Variants in ZMIZ1 observed in about 807,000 individuals in gnomAD.
ZMIZ1 encodes zinc finger MIZ-type containing 1.
In ZMIZ1, 17 loss-of-function variants were observed where a neutral mutation model predicts 113.9. That is an observed-to-expected ratio of 0.15 (90% CI 0.10 to 0.22). The LOEUF is 0.22. Among genes scored for constraint, ZMIZ1 ranks in the 10% least tolerant of loss-of-function variants. ZMIZ1 has a pLI of 1.00. For synonymous variants in ZMIZ1, 607 were observed against 603.1 expected (o/e 1.01, Z -0.09); for missense variants, 1,059 against 1,477.8 (o/e 0.72, Z 4.65).
chr10:79,208,662 C>A lies in ZMIZ1; in HGVS notation c.174+213C>A, dbSNP rs150898677. Among the ~76,000 whole-genome samples the A allele has an allele frequency of 3.8e-3, 572 of 152,304 alleles. 6 individuals carry two copies. Among genetic ancestry groups the A allele is most frequent in the South Asian group, 0.02 (99 of 4,830 alleles). ...CTGGAGTTGATGAGGAGGCACAGTC[C>A]CTAGGGATTGTGTGGGTTCCCACAC... On this transcript the variant is annotated intron_variant, in intron 6 of 24. Coordinates refer to ENST00000334512, the MANE Select transcript of ZMIZ1 (RefSeq NM_020338.4).
Position 79,305,182 on chromosome 10 carries a change from T to C in ZMIZ1, c.2305T>C (p.Tyr769His). The change falls in exon 20 of 25, where the codon TAC becomes CAC. Residue 769 changes from tyrosine to histidine, a missense_variant. Tyr to His is a moderately conservative substitution (Grantham distance 83, BLOSUM62 2). This residue lies in a region of ZMIZ1 where 217 missense variants were observed against 426.9 expected (regional missense o/e 0.51). Transcript: ENST00000334512. ...TCTGCAGTGCTTTGATCTGGAGTCATACCTGCAGCTGAATTGCGAGAGAGG... is the reference window on the plus strand; with the variant it reads ...TCTGCAGTGCTTTGATCTGGAGTCACACCTGCAGCTGAATTGCGAGAGAGG... ...KHVQCFDLES[Y>H]LQLNCERGTW... 48 of 1,614,164 alleles carry C rather than the reference T, an allele frequency of 3.0e-5. No homozygotes were observed. Among genetic ancestry groups the C allele is most frequent in the Non-Finnish European group, 4.1e-5 (48 of 1,180,016 alleles).
chr10:79,176,448 C>A (rs1846873406), intron 4 of ZMIZ1, among the ~76,000 whole-genome samples: 1 of 152,070 alleles, frequency 6.6e-6, no homozygotes, highest in Admixed American at 6.5e-5. Flanking sequence ...CCTGACAGTC[C>A]AACCCAGTCA....
intron 17 of ZMIZ1, 78 bp downstream of exon 17, chr10:79,301,020 C>T: frequency 3.9e-6 from 6 of 1,552,820 alleles, no homozygotes; most frequent in South Asian, 2.3e-5. Context: ...ATACCCTGCC[C>T]CACTCTGGTC....
chr10:79,097,679 A>T lies in ZMIZ1; in HGVS notation c.-336-21236A>T, dbSNP rs556908703. Among the ~76,000 whole-genome samples, 6 of 152,324 alleles carry T rather than the reference A, an allele frequency of 3.9e-5. No homozygotes were observed. In the South Asian group the frequency reaches 1.2e-3, roughly 32 times the overall value. ...GCTGGCAAGCTCTGATAGAAATTGG[A>T]GGCAAGCAGAGAATGAGATTTGGGG... On this transcript the variant is annotated intron_variant, in intron 1 of 24. Coordinates refer to ENST00000334512, the MANE Select transcript of ZMIZ1 (RefSeq NM_020338.4).
At chr10:79,261,835 TAGGTTTGCATGCAGGCAA>T (rs1156366699) in intron 7 of ZMIZ1, among the ~76,000 whole-genome samples, 8 of 152,200 alleles carry the variant, frequency 5.3e-5, no homozygotes, top group Admixed American at 1.3e-4. Flanking sequence ...CGAGGTGAGA[TAGGTTTGCATGCAGGCAA>T]AGAAACCAAG....
intron 1 of ZMIZ1, among the ~76,000 whole-genome samples, chr10:79,106,516 C>T (rs532306145): frequency 9.2e-5 from 14 of 152,312 alleles, no homozygotes; most frequent in African/African-American, 2.6e-4. Context: ...TAGATCCTGC[C>T]CCCATTGCAT....
intron 7 of ZMIZ1, among the ~76,000 whole-genome samples, chr10:79,225,194 C>T (rs1199543488): frequency 6.6e-6 from 1 of 152,226 alleles, no homozygotes; most frequent in East Asian, 1.9e-4. Context: ...GCTTTCCAGA[C>T]TCAGTCACTG....
rs2132048623 is a variant in ZMIZ1 at position 79,296,433 on chromosome 10, T to C, written c.1231-38T>C. 1.9e-6 allele frequency: 3 copies of C among 1,610,274 alleles called. No individual in the cohort carries two copies. Among genetic ancestry groups the C allele is most frequent in the East Asian group, 4.5e-5 (2 of 44,748 alleles). On this transcript the variant is annotated intron_variant, in intron 12 of 24. Coordinates refer to ENST00000334512, the MANE Select transcript of ZMIZ1 (RefSeq NM_020338.4). The surrounding 1 kb of genome is among the most constrained non-coding windows in gnomAD (Gnocchi z 4.1). Reference sequence around the variant, plus strand: ...ACCTGGCTATGTGACGTTGGCAACATTGAACGTGTTTCCCCTCTCCTTTCT... The same window carrying C: ...ACCTGGCTATGTGACGTTGGCAACACTGAACGTGTTTCCCCTCTCCTTTCT...
At chr10:79,185,156 T>C (rs1847301072) in intron 4 of ZMIZ1, among the ~76,000 whole-genome samples, 1 of 152,188 alleles carries the variant, frequency 6.6e-6, no homozygotes, top group African/African-American at 2.4e-5. Flanking sequence ...CATCAGAACT[T>C]TGGAGGCTGG....
intron 3 of ZMIZ1, among the ~76,000 whole-genome samples, chr10:79,146,524 A>G (rs1306573464): frequency 2.6e-5 from 4 of 152,162 alleles, no homozygotes; most frequent in African/African-American, 9.7e-5. Context: ...CAGCTCTGCC[A>G]TTTATCACAG....
At chr10:79,236,488 C>T (rs1164121456) in intron 7 of ZMIZ1, among the ~76,000 whole-genome samples, 2 of 152,338 alleles carry the variant, frequency 1.3e-5, no homozygotes, top group East Asian at 1.9e-4. Context: ...TGCTGAGGCA[C>T]GGACATTCGA....
intron 18 of ZMIZ1, among the ~76,000 whole-genome samples, chr10:79,302,973 T>C (rs1854429371): frequency 6.6e-6 from 1 of 151,314 alleles, no homozygotes; most frequent in Non-Finnish European, 1.5e-5. Flanking sequence ...GCCATTCTCC[T>C]GCCTCAGCCT....
In ZMIZ1 at chr10:79,302,057, G is replaced by A. The variant is rs369904812; in HGVS notation, c.2020-50G>A. ...GGGCTGCTGAGGCTGCAGGCAGGGCGGGGTGTGGGGACAGTGCACAGGAAC... is the reference window on the plus strand; with the variant it reads ...GGGCTGCTGAGGCTGCAGGCAGGGCAGGGTGTGGGGACAGTGCACAGGAAC... On this transcript the variant is annotated intron_variant, in intron 17 of 24. Transcript: ENST00000334512. 93 of 1,585,684 alleles carry A rather than the reference G, an allele frequency of 5.9e-5. 1 individual carries two copies. Among genetic ancestry groups the A allele is most frequent in the Admixed American group, 4.5e-4 (27 of 59,870 alleles).
At chr10:79,229,960 C>T in intron 7 of ZMIZ1, among the ~76,000 whole-genome samples, 1 of 152,176 alleles carries the variant, frequency 6.6e-6, no homozygotes, top group Non-Finnish European at 1.5e-5. Flanking sequence ...GTGCTTCTTT[C>T]CCAGGTGAGG....
chr10:79,311,452 G>A (rs1471603052), intron 24 of ZMIZ1, among the ~76,000 whole-genome samples: 1 of 152,114 alleles, frequency 6.6e-6, no homozygotes, highest in Non-Finnish European at 1.5e-5. Context: ...TCTGACCCAA[G>A]CCCTGCGGGG....
intron 1 of ZMIZ1, among the ~76,000 whole-genome samples, chr10:79,081,554 C>T (rs1328784166): frequency 3.3e-5 from 5 of 152,186 alleles, no homozygotes; most frequent in East Asian, 3.9e-4. Flanking sequence ...GCAGCATGCT[C>T]GCCTGCCACT....
chr10:79,232,151 A>T (rs1849419137), intron 7 of ZMIZ1, among the ~76,000 whole-genome samples: 1 of 152,204 alleles, frequency 6.6e-6, no homozygotes, highest in South Asian at 2.1e-4. Flanking sequence ...AACGGGGCTA[A>T]CTGTAACCCT....
chr10:79,198,802 G>A (rs773737301), intron 4 of ZMIZ1, among the ~76,000 whole-genome samples: 3 of 152,230 alleles, frequency 2.0e-5, no homozygotes, highest in African/African-American at 4.8e-5. Flanking sequence ...GGGGGGCCGA[G>A]GTGGGCAGAT....
intron 4 of ZMIZ1, among the ~76,000 whole-genome samples, chr10:79,179,399 G>A (rs1262771073): frequency 6.6e-6 from 1 of 152,264 alleles, no homozygotes; most frequent in Non-Finnish European, 1.5e-5. Context: ...TAAGAGAGGT[G>A]AGGTAACTAG....
Sources: gnomAD v4.1 joint callset for allele counts (sites outside exome capture counted in the v4.1 genomes callset) on GRCh38, gnomAD v4.1.1 for gene constraint, gnomAD v4.1.1 regional missense constraint, Gnocchi (gnomAD v3.1) non-coding constraint, MANE v1.5 for transcripts, NCBI Gene and HGNC (gene_info 2026-07-23, HGNC 2026-07-21) for gene names.